Variants in NFIA observed in about 807,000 individuals in gnomAD.
NFIA encodes the protein nuclear factor 1 A-type.
NFIA carries 8 observed loss-of-function variants against 62.8 expected under a neutral mutation model. The observed-to-expected ratio is 0.13, with a 90% confidence interval of 0.07 to 0.23. The LOEUF is 0.23. NFIA is among the 10% of genes least tolerant of loss of function. NFIA has a pLI of 1.00. For missense variants in NFIA, 410 were observed against 642.1 expected (o/e 0.64, Z 3.91); for synonymous variants, 235 against 238.1 (o/e 0.99, Z 0.12).
At chr1:61,360,817 T>C (rs1266206621) in intron 6 of NFIA, among the ~76,000 whole-genome samples, 1 of 152,246 alleles carries the variant, frequency 6.6e-6, no homozygotes, top group Non-Finnish European at 1.5e-5. Context: ...TGTATCATAA[T>C]TAAACACAAA....
chr1:61,128,113 TA>T (rs1448542820), intron 2 of NFIA, among the ~76,000 whole-genome samples: 2 of 152,116 alleles, frequency 1.3e-5, no homozygotes, highest in Non-Finnish European at 2.9e-5. Flanking sequence ...ATTTAATTTT[TA>T]AATTTTTATT....
At chr1:61,149,152 C>T (rs1007603638) in intron 2 of NFIA, among the ~76,000 whole-genome samples, 2 of 151,658 alleles carry the variant, frequency 1.3e-5, no homozygotes, top group Non-Finnish European at 2.9e-5. Context: ...CACCCTAGGC[C>T]CCCAGAATGC....
At position 61,325,236 on chromosome 1, in the gene NFIA, G is replaced by A. The variant is rs548255411; in HGVS notation, c.626-7276G>A. The stretch of plus-strand genomic sequence containing the variant: ...ATTAATAATATCTGAATTTGGAATC[G>A]CTTAAACTCACCTTTTTATTTTCTT... On this transcript the variant is annotated intron_variant, in intron 3 of 10. Coordinates refer to ENST00000403491, the MANE Select transcript of NFIA (RefSeq NM_001134673.4). Among the ~76,000 whole-genome samples, 11 of 152,170 alleles carry A rather than the reference G, an allele frequency of 7.2e-5. 1 individual carries two copies. The South Asian group carries it at 1.7e-3, about 23-fold the overall frequency.
At chr1:61,235,463 A>AAAATAAAT (rs200048964) in intron 2 of NFIA, among the ~76,000 whole-genome samples, 11,926 of 121,406 alleles carry the variant, frequency 0.098, 804 homozygotes, top group East Asian at 0.2. Flanking sequence ...ACTCCATCTC[A>AAAATAAAT]AAATAAATAA....
chr1:61,217,263 T>C (rs543498830), intron 2 of NFIA, among the ~76,000 whole-genome samples: 1 of 149,848 alleles, frequency 6.7e-6, no homozygotes, highest in Non-Finnish European at 1.5e-5. Context: ...AGAGACGGGG[T>C]TTCACCACAT....
intron 2 of NFIA, chr1:61,249,089 C>T (rs1655841353): frequency 6.6e-6 from 1 of 152,116 alleles, no homozygotes; most frequent in Non-Finnish European, 1.5e-5. Flanking sequence ...AGGAAGGCAT[C>T]CAACTTTTAT....
In NFIA at chr1:61,136,730, A is replaced by G. The variant is rs1647198986; in HGVS notation, c.559+48050A>G. On this transcript the variant is annotated intron_variant, in intron 2 of 10. Coordinates refer to ENST00000403491, the MANE Select transcript of NFIA (RefSeq NM_001134673.4). ...TCTTTATATGCTGGGAGACACAATT[A>G]TGGGCTGACTTGGAAGTTTTGGCAG... 2.0e-5 allele frequency among the ~76,000 whole-genome samples: 3 copies of G among 151,676 alleles called. No individual in the cohort carries two copies. The South Asian group carries it at 6.3e-4, about 32-fold the overall frequency.
At chr1:61,180,724 C>G (rs1325613387) in intron 2 of NFIA, among the ~76,000 whole-genome samples, 1 of 152,164 alleles carries the variant, frequency 6.6e-6, no homozygotes, top group Non-Finnish European at 1.5e-5. Context: ...GATTCAGCTT[C>G]TATCTAGGTG....
At chr1:61,129,612 G>C (rs866869489) in intron 2 of NFIA, among the ~76,000 whole-genome samples, 11 of 151,806 alleles carry the variant, frequency 7.2e-5, no homozygotes, top group Admixed American at 3.9e-4. Flanking sequence ...ACCCGCCTGG[G>C]TAATTTTTGT....
intron 2 of NFIA, among the ~76,000 whole-genome samples, chr1:61,137,167 A>G (rs1241788489): frequency 9.9e-5 from 15 of 152,228 alleles, no homozygotes; most frequent in Admixed American, 8.5e-4. Flanking sequence ...ACTCAAACAT[A>G]AGAAGCAAAT....
At chr1:61,453,407 C>A (rs1668150878) in intron 10 of NFIA, among the ~76,000 whole-genome samples, 1 of 146,762 alleles carries the variant, frequency 6.8e-6, no homozygotes, top group Non-Finnish European at 1.5e-5. Flanking sequence ...ACCTTGTCGG[C>A]AAGGCACATA....
chr1:61,174,070 A>G (rs1650159194), intron 2 of NFIA, among the ~76,000 whole-genome samples: 2 of 152,196 alleles, frequency 1.3e-5, no homozygotes, highest in Non-Finnish European at 1.5e-5. Flanking sequence ...TGTTTTCTCC[A>G]CTGTAAGCAC....
chr1:61,248,837 G>C (rs1346577930), intron 2 of NFIA: 1 of 152,206 alleles, frequency 6.6e-6, no homozygotes, highest in Non-Finnish European at 1.5e-5. Context: ...AACCACTTCT[G>C]AATGCTCATG....
intron 2 of NFIA, among the ~76,000 whole-genome samples, chr1:61,144,289 G>C (rs1647765457): frequency 6.6e-6 from 1 of 152,214 alleles, no homozygotes; most frequent in Admixed American, 6.5e-5. Flanking sequence ...AAGCCCTGTA[G>C]ATGATTATGA....
rs181071438 is a variant in NFIA at position 61,121,000 on chromosome 1, A to G, written c.559+32320A>G. On this transcript the variant is annotated intron_variant, in intron 2 of 10. Transcript: ENST00000403491. ...ATCAGGGACAGTTTAAAAAATCTTC[A>G]GTACATTTATGATAAAAGTATTAGC... Among the ~76,000 whole-genome samples the G allele has an allele frequency of 1.5e-4, 23 of 152,356 alleles. No individual in the cohort carries two copies. The East Asian group carries it at 4.2e-3, about 28-fold the overall frequency.
intron 2 of NFIA, among the ~76,000 whole-genome samples, chr1:61,176,278 T>G (rs1480719473): frequency 6.6e-6 from 1 of 151,986 alleles, no homozygotes; most frequent in Non-Finnish European, 1.5e-5. Flanking sequence ...TCCCCCACCC[T>G]TTTTAATTTT....
chr1:61,310,463 C>T (rs1413630775), intron 3 of NFIA, among the ~76,000 whole-genome samples: 1 of 152,104 alleles, frequency 6.6e-6, no homozygotes, highest in Non-Finnish European at 1.5e-5. Flanking sequence ...TGTCAAAATG[C>T]CTGGGGAGGA....
At chr1:61,351,998 T>C (rs1406003510) in intron 4 of NFIA, among the ~76,000 whole-genome samples, 2 of 152,228 alleles carry the variant, frequency 1.3e-5, no homozygotes, top group African/African-American at 4.8e-5. Context: ...TTTCATGTTA[T>C]AAGAAACTGG....
At chr1:61,244,325 T>C (rs1655519414) in intron 2 of NFIA, among the ~76,000 whole-genome samples, 1 of 152,196 alleles carries the variant, frequency 6.6e-6, no homozygotes, top group Non-Finnish European at 1.5e-5. Context: ...GTGGATTCAC[T>C]GCCAAAATGA....
Sources: gnomAD v4.1 joint callset for allele counts (sites outside exome capture counted in the v4.1 genomes callset) on GRCh38, gnomAD v4.1.1 for gene constraint, MANE v1.5 for transcripts, NCBI Gene and HGNC (gene_info 2026-07-23, HGNC 2026-07-21) for gene names.